MARF1: variants seen among roughly 807,000 people sequenced by gnomAD.
MARF1 encodes meiosis regulator and mRNA stability factor 1.
MARF1 carries 24 observed loss-of-function variants against 168.2 expected under a neutral mutation model. The observed-to-expected ratio is 0.14, with a 90% CI of 0.10 to 0.20. The LOEUF (loss-of-function observed/expected upper bound fraction) is 0.20. Among genes scored for constraint, MARF1 ranks in the 10% least tolerant of loss-of-function variants. MARF1 has a pLI of 1.00. For missense variants in MARF1, 1,744 were observed against 2,143.6 expected (o/e 0.81, Z 3.68); for synonymous variants, 868 against 822.4 (o/e 1.06, Z -0.95).
Position 15,609,597 on chromosome 16 carries a change from G to A in MARF1, c.3880C>T (p.Arg1294Trp), listed in dbSNP as rs868839290. The change falls in exon 20 of 27, where the codon CGG (arginine) becomes TGG (tryptophan). Residue 1294 changes from arginine (R) to tryptophan (W), a missense_variant. Physicochemically the swap from Arg to Trp is moderately radical, Grantham distance 101. Coordinates refer to ENST00000396368, the MANE Select transcript of MARF1 (RefSeq NM_014647.4). ...FIPSYHHHFG[R>W]QCKLAYYGFT... ...CCATAGTACGCAAGTTTGCACTGCC[G>A]GCCAAAGTGGTGATGGTAAGAAGGG... is the stretch of plus-strand genomic sequence containing the variant. The A allele has an allele frequency of 6.2e-7, 1 of 1,614,108 alleles. No homozygotes were observed.
At position 15,625,454 on chromosome 16, in the gene MARF1, G is replaced by C. The variant is rs779117957; in HGVS notation, c.1871C>G (p.Ser624Cys). 1 of 1,614,176 alleles carries C rather than the reference G, an allele frequency of 6.2e-7. No homozygotes were observed. The highest frequency in any genetic ancestry group is 1.7e-5 in the Admixed American group (1 of 60,022). Residue 624 changes from serine (S) to cysteine (C), a missense_variant, in exon 8 of 27, where the codon TCC becomes TGC. By Grantham distance (112) the Ser-to-Cys change is moderately radical. Transcript: ENST00000396368. ...TTTTCCAGGCGTGGCTTTGGCACTG[G>C]AAGATTGTTCACTTGCATCTTTGAT... ...CLIKDASEQS[S>C]SAKATPGKGS...
chr16:15,621,692 A>C (rs1459297818), intron 12 of MARF1, 41 bp downstream of exon 12: 1 of 1,577,972 alleles, frequency 6.3e-7, no homozygotes, highest in African/African-American at 1.4e-5. Flanking sequence ...TTTCTGGGTC[A>C]AATGTTATTT....
chr16:15,595,695 A>G lies in MARF1; in HGVS notation c.*998T>C, dbSNP rs114167236. On this transcript the variant is annotated 3_prime_UTR_variant, in exon 27 of 27. Transcript: ENST00000396368. ...TACCGATACCAGCTTTAAAATTACA[A>G]TAACAAGGTTAAGTGGATCAACCTT... 2.1e-4 allele frequency: 32 copies of G among 152,328 alleles called. No homozygotes were observed. The East Asian group carries it at 6.0e-3, about 28-fold the overall frequency. The allele number at this position is 152,328 out of a possible 1,614,324, so 9.4% of individuals were successfully genotyped here. A position where few individuals can be genotyped will look rare whatever the true frequency, so the allele number is the denominator to read the frequency against.
intron 10 of MARF1, 75 bp from the exon 11 acceptor site, chr16:15,623,198 T>C: frequency 8.4e-7 from 1 of 1,185,194 alleles, no homozygotes; most frequent in South Asian, 2.3e-5. Flanking sequence ...TTAGGCTTTG[T>C]TTGAAACTAT....
At chr16:15,642,106 G>A (rs1334487702) in intron 1 of MARF1, among the ~76,000 whole-genome samples, 1 of 152,100 alleles carries the variant, frequency 6.6e-6, no homozygotes, top group Non-Finnish European at 1.5e-5. Flanking sequence ...CACCTTACAA[G>A]GCCGTTGTTT....
chr16:15,638,988 G>A (rs766586999), intron 2 of MARF1, 102 bp downstream of exon 2: 90 of 1,175,078 alleles, frequency 7.7e-5, no homozygotes, highest in Non-Finnish European at 9.8e-5. Context: ...AGAAAAATGT[G>A]GCACAGACTC....
Position 15,615,827 on chromosome 16 carries a change from T to C in MARF1, c.3253+3A>G, listed in dbSNP as rs866512110. On this transcript the variant is annotated splice_donor_region_variant and intron_variant, in intron 16 of 26. Transcript: ENST00000396368. ...GCTCCAGGACAAAATACCTGACACC[T>C]ACCAGTGTTGGGAGGCGGGGGCTTG... The C allele has an allele frequency of 2.6e-6, 4 of 1,539,838 alleles. No individual in the cohort carries two copies. Among genetic ancestry groups the C allele is most frequent in the Non-Finnish European group, 3.5e-6 (4 of 1,138,812 alleles).
Position 15,605,169 on chromosome 16 carries a change from A to AACC in MARF1, c.4183-772_4183-771insGGT, listed in dbSNP as rs534863264. Among the ~76,000 whole-genome samples, 329 of 152,256 alleles carry AACC rather than the reference A, an allele frequency of 2.2e-3. 4 individuals are homozygous for AACC. The highest frequency in any genetic ancestry group is 0.017 in the Middle Eastern group (5 of 294). On this transcript the variant is annotated intron_variant, in intron 21 of 26. Transcript: ENST00000396368. ...TGGCGTGAGCCTTTCCTGGCACAAA[A>AACC]ACAGGCAGAGCTTTGGCACACACAC...
chr16:15,635,956 G>A lies in MARF1; in HGVS notation c.531C>T (p.Pro177=), dbSNP rs774586056. The change falls in exon 3 of 27, where the codon CCC becomes CCT. Residue 177 remains proline, a synonymous_variant. Coordinates refer to ENST00000396368, the MANE Select transcript of MARF1 (RefSeq NM_014647.4). ...NNLAGIASDF[P]SMCLESNLSS... ...ACAGGTTACTCTCTAGACACATGCT[G>A]GGAAAGTCACTTGCAATGCCTGCCA... 1.2e-6 allele frequency: 2 copies of A among 1,614,106 alleles called. No homozygotes were observed. The highest frequency in any genetic ancestry group is 1.1e-5 in the South Asian group (1 of 91,084).
At position 15,610,938 on chromosome 16, in the gene MARF1, T is replaced by G. The variant is rs147795343; in HGVS notation, c.3751+37A>C. 5 of 1,599,170 alleles carry G rather than the reference T, an allele frequency of 3.1e-6. No individual in the cohort carries two copies. In the South Asian group the frequency reaches 3.3e-5, roughly 11 times the overall value. On this transcript the variant is annotated intron_variant, in intron 19 of 26. Coordinates refer to ENST00000396368, the MANE Select transcript of MARF1 (RefSeq NM_014647.4). ...CACACTATGTTAAAATAACAGGAGATAGACAATATCCTTCCAGCAAATGTT... is the reference window on the plus strand; with the variant it reads ...CACACTATGTTAAAATAACAGGAGAGAGACAATATCCTTCCAGCAAATGTT...
intron 21 of MARF1, among the ~76,000 whole-genome samples, chr16:15,606,859 C>A (rs1330245972): frequency 2.0e-5 from 3 of 152,164 alleles, no homozygotes; most frequent in African/African-American, 7.2e-5. Context: ...TCCCTCAGCC[C>A]CACAGCCTCT....
At chr16:15,612,458 C>G in intron 17 of MARF1, 99 bp downstream of exon 17, 1 of 1,061,762 alleles carries the variant, frequency 9.4e-7, no homozygotes, top group Non-Finnish European at 1.5e-6. Context: ...CTGCCCAGAA[C>G]TGACTTCTTA....
chr16:15,611,769 C>A (rs776953807), intron 17 of MARF1, 35 bp from the exon 18 acceptor site: 2 of 1,589,486 alleles, frequency 1.3e-6, no homozygotes, highest in South Asian at 2.2e-5. Context: ...ACACATAAGA[C>A]CTCAGCAGAC....
chr16:15,606,243 A>T (rs1246271342), intron 21 of MARF1: 1 of 151,930 alleles, frequency 6.6e-6, no homozygotes, highest in African/African-American at 2.4e-5. Flanking sequence ...CCCTTGCTTC[A>T]CTCTCCTCTT....
Position 15,602,397 on chromosome 16 carries a change from A to G in MARF1, c.4414-194T>C, listed in dbSNP as rs1170013300. ...CGAAGAAGAAGGAGACGACAAAGAT[A>G]AAGAAGACAACAACAAAGAAGATGA... On this transcript the variant is annotated intron_variant, in intron 22 of 26. Coordinates refer to ENST00000396368, the MANE Select transcript of MARF1 (RefSeq NM_014647.4). 17 of 617,530 alleles carry G rather than the reference A, an allele frequency of 2.8e-5. No homozygotes were observed. The South Asian group carries it at 3.0e-4, about 11-fold the overall frequency. The allele number at this position is 617,530 out of a possible 1,614,324, so 38.3% of individuals were successfully genotyped here. A position where few individuals can be genotyped will look rare whatever the true frequency, so the allele number is the denominator to read the frequency against.
At chr16:15,614,599 C>T (rs897641867) in intron 16 of MARF1, among the ~76,000 whole-genome samples, 1 of 144,624 alleles carries the variant, frequency 6.9e-6, no homozygotes, top group African/African-American at 2.6e-5. Context: ...TCCTGGCTAA[C>T]AAGGTGAAAC....
chr16:15,611,966 C>T (rs1390708436), intron 17 of MARF1, among the ~76,000 whole-genome samples: 1 of 152,062 alleles, frequency 6.6e-6, no homozygotes, highest in Non-Finnish European at 1.5e-5. Context: ...CCCAAACAGT[C>T]GTTGAGTATA....
At chr16:15,611,229 T>C in intron 18 of MARF1, 121 bp from the exon 19 acceptor site, 1 of 907,142 alleles carries the variant, frequency 1.1e-6, no homozygotes, top group Non-Finnish European at 1.7e-6. Context: ...GAGGCCGAGG[T>C]GGACGGATCA....
chr16:15,623,297 T>TTTTTG (rs2034600331), intron 10 of MARF1, 174 bp from the exon 11 acceptor site: 1 of 473,944 alleles, frequency 2.1e-6, no homozygotes, highest in Non-Finnish European at 3.5e-6. Context: ...TTTTTTTTTT[T>TTTTTG]GAGACAGAGT....
Sources: allele counts gnomAD v4.1 joint callset (sites outside exome capture counted in the v4.1 genomes callset), GRCh38; gene constraint gnomAD v4.1.1; transcripts MANE v1.5; gene names NCBI Gene and HGNC (gene_info 2026-07-23, HGNC 2026-07-21).